The following NFIA variants were observed in gnomAD, a reference collection of about 807,000 sequenced individuals.
The protein encoded by NFIA is nuclear factor 1 A-type.
Under a neutral mutation model 62.8 loss-of-function variants are expected in NFIA, and 8 were observed. The ratio of observed to expected loss-of-function variants is 0.13; its 90% confidence interval spans 0.07 to 0.23. The LOEUF (loss-of-function observed/expected upper bound fraction) is 0.23, where lower values mean the gene tolerates loss of function less well. Among genes scored for constraint, NFIA ranks in the 10% least tolerant of loss-of-function variants. The pLI is 1.00. For missense variants in NFIA, 410 were observed against 642.1 expected, an observed-to-expected ratio of 0.64 and a Z score of 3.91; for synonymous variants, 235 against 238.1, an observed-to-expected ratio of 0.99 and a Z score of 0.12.
intron 4 of NFIA, among the ~76,000 whole-genome samples, chr1:61,335,354 C>T (rs1045655679): frequency 5.9e-5 from 9 of 151,862 alleles, no homozygotes; most frequent in East Asian, 5.8e-4. Flanking sequence ...GCTCAGGTTT[C>T]GTCACCTACG....
chr1:61,296,328 T>C (rs1215022695), intron 3 of NFIA, among the ~76,000 whole-genome samples: 2 of 152,356 alleles, frequency 1.3e-5, no homozygotes, highest in Non-Finnish European at 2.9e-5. Flanking sequence ...GCTTTTTTCT[T>C]ATTTGCATTG....
chr1:61,310,937 A>C (rs981674736), intron 3 of NFIA, among the ~76,000 whole-genome samples: 1 of 152,112 alleles, frequency 6.6e-6, no homozygotes, highest in Non-Finnish European at 1.5e-5. Flanking sequence ...TCACCTGTGC[A>C]AGCTCCTGAT....
chr1:61,167,253 AAGAT>A (rs1377461189), intron 2 of NFIA, among the ~76,000 whole-genome samples: 4 of 152,234 alleles, frequency 2.6e-5, no homozygotes, highest in African/African-American at 9.6e-5. Context: ...TATGGCAAGG[AAGAT>A]AGATGAGTGT....
upstream of NFIA, chr1:61,082,372 C>T (rs1646114006): frequency 1.7e-6 from 1 of 586,910 alleles, no homozygotes; most frequent in Non-Finnish European, 2.1e-6. Context: ...CCCACACCCC[C>T]TCCCCCCCGC....
chr1:61,403,275 CCTT>C (rs1665659122), intron 7 of NFIA, among the ~76,000 whole-genome samples: 1 of 152,204 alleles, frequency 6.6e-6, no homozygotes, highest in African/African-American at 2.4e-5. Context: ...TATCAATCAT[CCTT>C]CTAATTCAAG....
At chr1:61,185,155 TTAAG>T (rs1215226838) in intron 2 of NFIA, among the ~76,000 whole-genome samples, 6 of 152,190 alleles carry the variant, frequency 3.9e-5, no homozygotes, top group Admixed American at 2.0e-4. Flanking sequence ...CTGACATGTG[TTAAG>T]TGAGTCAAAT....
At chr1:61,127,801 C>T (rs908523849) in intron 2 of NFIA, among the ~76,000 whole-genome samples, 1 of 151,898 alleles carries the variant, frequency 6.6e-6, no homozygotes, top group African/African-American at 2.4e-5. Context: ...ACTTTTTTCC[C>T]CTACTTTTCT....
chr1:61,396,489 C>G (rs1290483615), intron 7 of NFIA, among the ~76,000 whole-genome samples: 1 of 152,168 alleles, frequency 6.6e-6, no homozygotes, highest in Non-Finnish European at 1.5e-5. Context: ...TCGAGTGATT[C>G]TCCTGCCTCA....
chr1:61,428,455 A>G (rs1016730421), intron 10 of NFIA, among the ~76,000 whole-genome samples: 2 of 150,022 alleles, frequency 1.3e-5, no homozygotes, highest in Admixed American at 6.7e-5. Flanking sequence ...GTTTCTTACC[A>G]TAGTGACACC....
At chr1:61,318,863 TA>T (rs780478561) in intron 3 of NFIA, among the ~76,000 whole-genome samples, 25 of 152,280 alleles carry the variant, frequency 1.6e-4, no homozygotes, top group Middle Eastern at 3.4e-3. Context: ...CTACCGAAGC[TA>T]ATTTGATATA....
intron 2 of NFIA, among the ~76,000 whole-genome samples, chr1:61,274,933 G>T (rs1478897001): frequency 1.3e-5 from 2 of 152,102 alleles, no homozygotes; most frequent in Non-Finnish European, 2.9e-5. Flanking sequence ...AAAGAAAATG[G>T]TATTGAACGG....
intron 2 of NFIA, among the ~76,000 whole-genome samples, chr1:61,106,261 C>T (rs1037294516): frequency 2.0e-5 from 3 of 151,686 alleles, no homozygotes; most frequent in Non-Finnish European, 3.0e-5. Context: ...AGCCCCTTCT[C>T]AAGAATGGAA....
At chr1:61,252,987 G>T (rs1656145449) in intron 2 of NFIA, among the ~76,000 whole-genome samples, 1 of 152,218 alleles carries the variant, frequency 6.6e-6, no homozygotes, top group South Asian at 2.1e-4. Context: ...CTTGGGATGA[G>T]ATGTGTAAAG....
intron 2 of NFIA, among the ~76,000 whole-genome samples, chr1:61,094,522 A>C (rs1222526997): frequency 6.6e-6 from 1 of 152,172 alleles, no homozygotes; most frequent in African/African-American, 2.4e-5. Context: ...TTCTTTTTAG[A>C]ATTTAGGAGT....
chr1:61,403,969 C>T, intron 7 of NFIA, 135 bp from the exon 8 acceptor site: 1 of 979,992 alleles, frequency 1.0e-6, no homozygotes, highest in Admixed American at 2.3e-5. Context: ...CAGACCTATC[C>T]AGTGTTAAAT....
chr1:61,238,446 G>T (rs972870637), intron 2 of NFIA, among the ~76,000 whole-genome samples: 1 of 152,146 alleles, frequency 6.6e-6, no homozygotes, highest in Admixed American at 6.5e-5. Context: ...AAAATTATAT[G>T]TTTTAGTTTT....
chr1:61,151,793 CAG>C (rs1022888852), intron 2 of NFIA, among the ~76,000 whole-genome samples: 37 of 152,232 alleles, frequency 2.4e-4, no homozygotes, highest in African/African-American at 8.2e-4. Context: ...CACTGGCTCA[CAG>C]AGTGATGAGT....
At chr1:61,173,427 G>T (rs1314278977) in intron 2 of NFIA, among the ~76,000 whole-genome samples, 1 of 151,954 alleles carries the variant, frequency 6.6e-6, no homozygotes, top group Non-Finnish European at 1.5e-5. Context: ...TCATTCTGTT[G>T]CCCACGCAGG....
intron 9 of NFIA, 50 bp downstream of exon 9, chr1:61,406,777 T>A (rs1157802822): frequency 1.3e-6 from 2 of 1,506,870 alleles, no homozygotes; most frequent in African/African-American, 2.8e-5. Context: ...CTGTATGCAC[T>A]GGAATCCACA....
Sources: gnomAD v4.1 joint callset for allele counts (sites outside exome capture counted in the v4.1 genomes callset) on GRCh38, gnomAD v4.1.1 for gene constraint, MANE v1.5 for transcripts, NCBI Gene and HGNC (gene_info 2026-07-23, HGNC 2026-07-21) for gene names.